TRPC5: variants seen among roughly 807,000 people sequenced by gnomAD.
The protein encoded by TRPC5 is transient receptor potential cation channel subfamily C member 5, also known as short transient receptor potential channel 5.
TRPC5 carries 9 observed loss-of-function variants against 56.5 expected under a neutral mutation model. The observed-to-expected ratio is 0.16, with a 90% CI of 0.10 to 0.28. The LOEUF (loss-of-function observed/expected upper bound fraction) is 0.28. Ranked by LOEUF, TRPC5 falls within the 10% of genes least tolerant of loss-of-function variation. The pLI is 1.00. For synonymous variants in TRPC5, 282 were observed against 278.5 expected (o/e 1.01, Z -0.13); for missense variants, 469 against 748.9 (o/e 0.63, Z 4.36).
rs762807312 is a variant in TRPC5 at position 111,891,123 on chromosome X, C to T, written c.900+21168G>A. Among the ~76,000 whole-genome samples the T allele has an allele frequency of 2.5e-3, 282 of 112,073 alleles. 3 individuals are homozygous for T. Among genetic ancestry groups the T allele is most frequent in the Non-Finnish European group, 8.6e-4 (46 of 53,226 alleles). On this transcript the variant is annotated intron_variant, in intron 3 of 10. Coordinates refer to ENST00000262839, the MANE Select transcript of TRPC5 (RefSeq NM_012471.3). ...CTTTATCCAATCTACCATTGATGGG[C>T]ATTTAGGTTGATTCCATGTCTTTGC...
chrX:112,062,440 C>T (rs914340237), intron 1 of TRPC5, among the ~76,000 whole-genome samples: 4 of 111,477 alleles, frequency 3.6e-5, no homozygotes, highest in African/African-American at 1.3e-4. Flanking sequence ...TCAATAGACT[C>T]AGAGGAGGGA....
At chrX:111,888,440 C>T (rs1323530830) in intron 3 of TRPC5, among the ~76,000 whole-genome samples, 2 of 103,462 alleles carry the variant, frequency 1.9e-5, no homozygotes, top group Non-Finnish European at 2.0e-5. Flanking sequence ...TTTGGGAGGC[C>T]GAGGCGGGCG....
intron 1 of TRPC5, among the ~76,000 whole-genome samples, chrX:112,021,180 GC>G (rs767619993): frequency 9.0e-6 from 1 of 110,853 alleles, no homozygotes; most frequent in African/African-American, 3.3e-5. Context: ...ATCACCTATA[GC>G]TTTTTCTCTT....
At chrX:111,839,954 A>C (rs1425969956) in intron 6 of TRPC5, among the ~76,000 whole-genome samples, 3 of 111,493 alleles carry the variant, frequency 2.7e-5, no homozygotes, top group African/African-American at 9.8e-5. Context: ...GTGGATCACG[A>C]GGTCAGGAGA....
At chrX:111,796,852 G>T (rs965109326) in intron 7 of TRPC5, among the ~76,000 whole-genome samples, 12 of 111,372 alleles carry the variant, frequency 1.1e-4, no homozygotes, top group African/African-American at 3.9e-4. Context: ...GGTTTTCAAA[G>T]CCCCCTATGG....
Position 112,005,089 on chromosome X carries a change from T to C in TRPC5, c.-21-52648A>G, listed in dbSNP as rs73266333. 8.9e-3 allele frequency among the ~76,000 whole-genome samples: 983 copies of C among 110,928 alleles called. 4 individuals are homozygous for C. Among genetic ancestry groups the C allele is most frequent in the Non-Finnish European group, 0.014 (764 of 53,101 alleles). On this transcript the variant is annotated intron_variant, in intron 1 of 10. Transcript: ENST00000262839. ...CATCTGCGTGCATGTGTCTTTATGA[T>C]AGAATGATTTCCATTTCTTTGGGTA...
chrX:111,956,090 T>C (rs1211592250), intron 1 of TRPC5, among the ~76,000 whole-genome samples: 1 of 112,589 alleles, frequency 8.9e-6, no homozygotes, highest in Non-Finnish European at 1.9e-5. Flanking sequence ...AATGATGCGA[T>C]TCAAAGAGCT....
intron 4 of TRPC5, 83 bp downstream of exon 4, chrX:111,853,687 C>G: frequency 1.0e-6 from 1 of 986,924 alleles, no homozygotes; most frequent in African/African-American, 1.9e-5. Context: ...TAGTTCAGAG[C>G]TAGTCTGACT....
intron 1 of TRPC5, among the ~76,000 whole-genome samples, chrX:112,015,383 AT>A (rs372246100): frequency 0.047 from 4,926 of 105,140 alleles, 92 homozygotes; most frequent in African/African-American, 0.078. Context: ...AAGAATCTGG[AT>A]TTTTTTTTTT....
intron 3 of TRPC5, among the ~76,000 whole-genome samples, chrX:111,888,487 A>T (rs1240070447): frequency 9.8e-6 from 1 of 101,598 alleles, no homozygotes; most frequent in East Asian, 3.1e-4. Context: ...AGCCTGGCCA[A>T]CATGGTGAAA....
chrX:111,913,235 A>C (rs1925871337), intron 2 of TRPC5, among the ~76,000 whole-genome samples: 1 of 111,612 alleles, frequency 9.0e-6, no homozygotes, highest in Admixed American at 9.5e-5. Flanking sequence ...GACATACTGG[A>C]GAATACAGAG....
At chrX:111,978,885 A>T (rs1276628385) in intron 1 of TRPC5, among the ~76,000 whole-genome samples, 2 of 111,447 alleles carry the variant, frequency 1.8e-5, no homozygotes, top group Non-Finnish European at 3.8e-5. Context: ...TATGTCAATT[A>T]TATCTTAATA....
intron 1 of TRPC5, among the ~76,000 whole-genome samples, chrX:111,995,171 C>T (rs182306434): frequency 1.7e-3 from 185 of 111,459 alleles, no homozygotes; most frequent in African/African-American, 5.4e-3. Context: ...GTTTTTAGTA[C>T]GAATGGCTCT....
chrX:111,992,684 C>T (rs1928391480), intron 1 of TRPC5, among the ~76,000 whole-genome samples: 1 of 109,296 alleles, frequency 9.1e-6, no homozygotes, highest in African/African-American at 3.3e-5. Flanking sequence ...CTCACTGTAA[C>T]TTCTGACTCC....
At chrX:111,925,027 A>G (rs1402811716) in intron 2 of TRPC5, among the ~76,000 whole-genome samples, 2 of 113,083 alleles carry the variant, frequency 1.8e-5, no homozygotes, top group Non-Finnish European at 1.9e-5. Context: ...GACAAAGCAC[A>G]GGAGAAAGTA....
intron 1 of TRPC5, among the ~76,000 whole-genome samples, chrX:112,079,684 G>A (rs190283491): frequency 8.0e-5 from 9 of 111,802 alleles, no homozygotes; most frequent in African/African-American, 1.3e-4. Flanking sequence ...GTGCCATTCC[G>A]GTTTTAGTTG....
chrX:111,782,019 G>A lies in TRPC5; in HGVS notation c.2016C>T (p.Tyr672=), dbSNP rs907873126. ...NIIPSPKSFL[Y]LGNWFNNTFC... is the part of the protein sequence containing the mutation. ...AGGTGTTGTTGAACCAGTTACCAAG[G>A]TATAGAAATGACTTGGGGCTGGGGA... The change falls in exon 8 of 11, where the codon TAC becomes TAT. Residue 672 remains tyrosine (Y), a synonymous_variant. Coordinates refer to ENST00000262839, the MANE Select transcript of TRPC5 (RefSeq NM_012471.3). The A allele has an allele frequency of 3.3e-6, 4 of 1,209,278 alleles. No individual in the cohort carries two copies. The African/African-American group carries it at 7.0e-5, about 21-fold the overall frequency.
At chrX:111,824,936 G>A (rs1412222015) in intron 7 of TRPC5, among the ~76,000 whole-genome samples, 1 of 111,192 alleles carries the variant, frequency 9.0e-6, no homozygotes, top group Non-Finnish European at 1.9e-5. Context: ...TGCCAAAAAT[G>A]AAATCTGATA....
At chrX:112,023,253 T>TG (rs1417284264) in intron 1 of TRPC5, among the ~76,000 whole-genome samples, 19 of 83,786 alleles carry the variant, frequency 2.3e-4, no homozygotes, top group African/African-American at 8.9e-4. Context: ...TTTGTTTTTT[T>TG]TTTTTTTTTT....
Sources: allele counts gnomAD v4.1 joint callset (sites outside exome capture counted in the v4.1 genomes callset), GRCh38; gene constraint gnomAD v4.1.1; transcripts MANE v1.5; gene names NCBI Gene and HGNC (gene_info 2026-07-23, HGNC 2026-07-21).